Variants in SRFBP1 observed in about 807,000 individuals in gnomAD.
SRFBP1 encodes serum response factor-binding protein 1.
In SRFBP1, 47 loss-of-function variants were observed where a neutral mutation model predicts 45.5. That is an observed-to-expected ratio of 1.03 (90% confidence interval 0.82 to 1.32). The LOEUF (loss-of-function observed/expected upper bound fraction) is 1.32. SRFBP1 is among the 40% of genes most tolerant of loss of function. The pLI is 0.00. For synonymous variants in SRFBP1, 203 were observed against 166.3 expected (o/e 1.22, Z -1.70); for missense variants, 621 against 484.6 (o/e 1.28, Z -2.64).
intron 4 of SRFBP1, among the ~76,000 whole-genome samples, chr5:122,005,687 T>C (rs1286730004): frequency 6.6e-6 from 1 of 152,122 alleles, no homozygotes; most frequent in Non-Finnish European, 1.5e-5. Context: ...ACTACTGCCA[T>C]TTTGCTAATT....
chr5:122,073,189 A>C (rs755229069), intron 2 of SRFBP1, among the ~76,000 whole-genome samples: 22 of 152,312 alleles, frequency 1.4e-4, no homozygotes, highest in Admixed American at 1.4e-3. Flanking sequence ...CCCCTTGCCA[A>C]GATCTGGGCG....
chr5:121,971,682 A>G (rs1158205426), intron 1 of SRFBP1, among the ~76,000 whole-genome samples: 2 of 152,064 alleles, frequency 1.3e-5, no homozygotes, highest in African/African-American at 2.4e-5. Flanking sequence ...TATTGTGAAA[A>G]GAAACACTGG....
chr5:121,985,833 A>G (rs1269861942), intron 3 of SRFBP1, among the ~76,000 whole-genome samples: 2 of 151,898 alleles, frequency 1.3e-5, no homozygotes, highest in African/African-American at 4.8e-5. Context: ...TCGGGTAGAC[A>G]ACATAATAAA....
chr5:121,983,212 CA>C (rs1316441649), intron 3 of SRFBP1, among the ~76,000 whole-genome samples: 1 of 151,334 alleles, frequency 6.6e-6, no homozygotes, highest in East Asian at 1.9e-4. Flanking sequence ...TATTTTCAAA[CA>C]AAAAGCTTTT....
intron 1 of SRFBP1, among the ~76,000 whole-genome samples, chr5:121,967,706 G>A (rs1752101988): frequency 6.6e-6 from 1 of 152,034 alleles, no homozygotes; most frequent in African/African-American, 2.4e-5. Context: ...ATGGTAGTAC[G>A]TACCTGTAGT....
chr5:122,024,734 C>A (rs75134085), intron 7 of SRFBP1, among the ~76,000 whole-genome samples: 1 of 152,280 alleles, frequency 6.6e-6, no homozygotes, highest in East Asian at 1.9e-4. Flanking sequence ...CATATATTCA[C>A]AAACACAGGA....
downstream of SRFBP1, among the ~76,000 whole-genome samples, chr5:122,032,361 C>T (rs552833428): frequency 5.9e-5 from 9 of 152,078 alleles, no homozygotes; most frequent in Admixed American, 1.3e-4. Context: ...CAACTCTCCC[C>T]TTTCCCATTG....
At chr5:121,963,140 C>A (rs530437261) in intron 1 of SRFBP1, among the ~76,000 whole-genome samples, 43 of 152,144 alleles carry the variant, frequency 2.8e-4, no homozygotes, top group Admixed American at 9.2e-4. Flanking sequence ...CTGGTATAAG[C>A]AGGAAAGGGC....
intron 4 of SRFBP1, among the ~76,000 whole-genome samples, chr5:122,002,806 T>C (rs1318417256): frequency 6.6e-6 from 1 of 152,154 alleles, no homozygotes; most frequent in Non-Finnish European, 1.5e-5. Flanking sequence ...TCAGGGAAAA[T>C]CTGAAGATTA....
intron 1 of SRFBP1, among the ~76,000 whole-genome samples, chr5:121,971,905 G>A (rs1169686812): frequency 6.6e-6 from 1 of 151,942 alleles, no homozygotes; most frequent in Non-Finnish European, 1.5e-5. Context: ...TGTCCTTAGT[G>A]ACATCTTTTA....
intron 2 of SRFBP1, among the ~76,000 whole-genome samples, chr5:122,054,302 C>T (rs1219959603): frequency 6.6e-6 from 1 of 152,182 alleles, no homozygotes; most frequent in African/African-American, 2.4e-5. Context: ...CCCCTAGAGG[C>T]TCTCATTCTC....
chr5:121,965,344 T>A (rs1018477726), intron 1 of SRFBP1, among the ~76,000 whole-genome samples: 4 of 152,232 alleles, frequency 2.6e-5, no homozygotes, highest in African/African-American at 9.6e-5. Flanking sequence ...AAGTCTTTAA[T>A]CCATCTTGAG....
intron 2 of SRFBP1, among the ~76,000 whole-genome samples, chr5:122,058,292 T>C (rs751442822): frequency 4.6e-5 from 7 of 152,192 alleles, no homozygotes; most frequent in Non-Finnish European, 8.8e-5. Context: ...ATAAACAAAA[T>C]CTTTTGAAAA....
At chr5:121,971,990 C>G (rs1195134481) in intron 1 of SRFBP1, among the ~76,000 whole-genome samples, 2 of 151,930 alleles carry the variant, frequency 1.3e-5, no homozygotes, top group Non-Finnish European at 2.9e-5. Context: ...TTGGACGTCT[C>G]TTTCTAAAAG....
chr5:121,991,021 G>A (rs950840090), intron 3 of SRFBP1, among the ~76,000 whole-genome samples: 2 of 151,408 alleles, frequency 1.3e-5, no homozygotes, highest in Non-Finnish European at 2.9e-5. Flanking sequence ...ACTTGTAGAA[G>A]CAATTTATAA....
chr5:122,020,895 T>C, intron 6 of SRFBP1, 93 bp downstream of exon 6: 1 of 1,196,796 alleles, frequency 8.4e-7, no homozygotes, highest in South Asian at 1.8e-5. Context: ...ACTATAATTC[T>C]AGTTTGTACA....
Position 121,962,066 on chromosome 5 carries a change from G to T in SRFBP1, c.34G>T (p.Glu12Ter). ...GCCGGGAACTCTGAACCTCAATAACGAGGTGAGCGCCGAGGAACCTATGGG... is the reference window on the plus strand; with the variant it reads ...GCCGGGAACTCTGAACCTCAATAACTAGGTGAGCGCCGAGGAACCTATGGG... ...AQPGTLNLNNEVVKMRKEVKR... is the reference protein window; with the variant it reads ...AQPGTLNLNN The change falls in exon 1 of 8, where the codon GAG becomes TAG. Residue 12 changes from glutamate (E) to a stop codon, truncating the protein, a stop_gained and splice_region_variant. Transcript: ENST00000339397. LOFTEE classifies it high-confidence loss of function. The T allele has an allele frequency of 3.7e-6, 6 of 1,614,044 alleles. No individual in the cohort carries two copies. The highest frequency in any genetic ancestry group is 5.1e-6 in the Non-Finnish European group (6 of 1,180,034).
chr5:121,972,738 G>A (rs1256193997), intron 1 of SRFBP1, among the ~76,000 whole-genome samples: 1 of 151,844 alleles, frequency 6.6e-6, no homozygotes, highest in African/African-American at 2.4e-5. Flanking sequence ...GAACAAGCAA[G>A]CTGATAGAGG....
chr5:121,977,465 T>C (rs1752326598), intron 3 of SRFBP1, among the ~76,000 whole-genome samples: 1 of 152,136 alleles, frequency 6.6e-6, no homozygotes. Context: ...TATTTATGGT[T>C]CTTTTACAAA....
Sources: gnomAD v4.1 joint callset for allele counts (sites outside exome capture counted in the v4.1 genomes callset) on GRCh38, gnomAD v4.1.1 for gene constraint, MANE v1.5 for transcripts, NCBI Gene and HGNC (gene_info 2026-07-23, HGNC 2026-07-21) for gene names.